Variants in SPDYA observed in about 807,000 individuals in gnomAD.
SPDYA encodes speedy/RINGO cell cycle regulator family member A, also known as speedy protein A.
A neutral mutation model predicts 36.7 loss-of-function variants in SPDYA; 11 were observed. The observed-to-expected ratio is 0.30, with a 90% confidence interval of 0.19 to 0.50. SPDYA has a LOEUF of 0.50. Among genes scored for constraint, SPDYA ranks in the 20% least tolerant of loss-of-function variants. The probability of loss-of-function intolerance (pLI) is 0.98; values close to 1 mark genes in which losing one functional copy is unlikely to be tolerated. For missense variants in SPDYA, 287 were observed against 370.9 expected, an observed-to-expected ratio of 0.77 and a Z score of 1.86; for synonymous variants, 115 against 118.7, an observed-to-expected ratio of 0.97 and a Z score of 0.20.
chr2:28,832,459 T>TTCACTCTCAAGGC (rs1022461121), intron 6 of SPDYA, among the ~76,000 whole-genome samples: 1 of 152,152 alleles, frequency 6.6e-6, no homozygotes, highest in African/African-American at 2.4e-5. Context: ...GGTGACCCCA[T>TTCACTCTCAAGGC]TCACTCTCAA....
chr2:28,848,536 A>G (rs547764422), intron 7 of SPDYA, among the ~76,000 whole-genome samples: 2 of 152,354 alleles, frequency 1.3e-5, no homozygotes, highest in South Asian at 4.1e-4. Context: ...GGAATTTATA[A>G]CAGTTTTAGT....
chr2:28,827,144 G>A (rs895033251), intron 5 of SPDYA, among the ~76,000 whole-genome samples: 1 of 151,312 alleles, frequency 6.6e-6, no homozygotes, highest in African/African-American at 2.4e-5. Flanking sequence ...GTTTCACCGT[G>A]TTAGCCAGGA....
At chr2:28,826,444 T>G (rs1668321994) in intron 5 of SPDYA, among the ~76,000 whole-genome samples, 1 of 151,980 alleles carries the variant, frequency 6.6e-6, no homozygotes, top group Admixed American at 6.6e-5. Flanking sequence ...GCCTGAAGAT[T>G]GATGCCTTTC....
chr2:28,829,066 C>A, intron 5 of SPDYA, 82 bp from the exon 6 acceptor site: 4 of 1,248,924 alleles, frequency 3.2e-6, no homozygotes, highest in Non-Finnish European at 4.4e-6. Flanking sequence ...GTTTATAAAC[C>A]ACTTTTATGT....
chr2:28,816,832 T>G (rs1032039603), intron 3 of SPDYA, among the ~76,000 whole-genome samples: 1 of 151,660 alleles, frequency 6.6e-6, no homozygotes, highest in Non-Finnish European at 1.5e-5. Context: ...TTCTTTATAG[T>G]ACTGTACTCC....
At chr2:28,837,595 T>C (rs944202281) in intron 6 of SPDYA, among the ~76,000 whole-genome samples, 1 of 152,190 alleles carries the variant, frequency 6.6e-6, no homozygotes. Context: ...CCATGTATTA[T>C]TAACTCTCAC....
chr2:28,843,466 C>T (rs1668795908), intron 7 of SPDYA, among the ~76,000 whole-genome samples: 1 of 150,702 alleles, frequency 6.6e-6, no homozygotes, highest in Admixed American at 6.7e-5. Context: ...AGGAGAATCG[C>T]TTGAACCTGG....
intron 4 of SPDYA, among the ~76,000 whole-genome samples, chr2:28,821,807 T>G (rs1668176658): frequency 1.3e-5 from 2 of 152,218 alleles, no homozygotes; most frequent in African/African-American, 4.8e-5. Context: ...TAAAACACAT[T>G]CTCCCCATGA....
intron 5 of SPDYA, among the ~76,000 whole-genome samples, chr2:28,827,096 G>A (rs1016810448): frequency 1.3e-5 from 2 of 151,534 alleles, no homozygotes; most frequent in Admixed American, 6.6e-5. Context: ...CCGCCACCAC[G>A]CCTGGCTAAT....
intron 7 of SPDYA, among the ~76,000 whole-genome samples, chr2:28,846,914 G>A (rs907122170): frequency 1.3e-5 from 2 of 152,174 alleles, no homozygotes; most frequent in Non-Finnish European, 2.9e-5. Context: ...TGGCTCTTAA[G>A]CCAGCCCCTT....
chr2:28,814,506 CTG>C (rs1042475351), intron 1 of SPDYA, 105 bp from the exon 2 acceptor site: 15 of 152,170 alleles, frequency 9.9e-5, no homozygotes, highest in Admixed American at 2.0e-4. Flanking sequence ...GTAATTTTAT[CTG>C]TTTTGTTTTG....
chr2:28,846,760 C>CACAAAGGGAAGTGAGGGGAAATGA (rs1234428658), intron 7 of SPDYA, among the ~76,000 whole-genome samples: 1 of 150,770 alleles, frequency 6.6e-6, no homozygotes, highest in Non-Finnish European at 1.5e-5. Context: ...CACACACACA[C>CACAAAGGGAAGTGAGGGGAAATGA]ACACACACAC....
intron 3 of SPDYA, among the ~76,000 whole-genome samples, chr2:28,818,551 C>T (rs1342012240): frequency 2.0e-5 from 3 of 151,626 alleles, no homozygotes; most frequent in Non-Finnish European, 4.4e-5. Context: ...TATATTTTAG[C>T]CCTTTAGAAT....
At chr2:28,829,817 G>A (rs1162844710) in intron 6 of SPDYA, among the ~76,000 whole-genome samples, 2 of 151,838 alleles carry the variant, frequency 1.3e-5, no homozygotes, top group Admixed American at 6.6e-5. Context: ...GGTGGCAGGC[G>A]CCTGTAGTCC....
At chr2:28,814,105 C>T (rs1282479045) in intron 1 of SPDYA, among the ~76,000 whole-genome samples, 1 of 152,180 alleles carries the variant, frequency 6.6e-6, no homozygotes, top group Admixed American at 6.5e-5. Flanking sequence ...AAGTATATTC[C>T]TCTGCCTAGT....
At chr2:28,835,212 C>T (rs1255410996) in intron 6 of SPDYA, among the ~76,000 whole-genome samples, 1 of 151,524 alleles carries the variant, frequency 6.6e-6, no homozygotes. Flanking sequence ...CAGATGTGAG[C>T]CATAGTGCCT....
At chr2:28,819,410 GGGAGGATCACTTGAACCCAGAAGTT>G (rs1227106154) in intron 4 of SPDYA, among the ~76,000 whole-genome samples, 4 of 152,006 alleles carry the variant, frequency 2.6e-5, no homozygotes. Context: ...CAGCTGAGGT[GGGAGGATCACTTGAACCCAGAAGTT>G]GGAGGATACA....
At chr2:28,825,883 A>G (rs1419954998) in intron 5 of SPDYA, among the ~76,000 whole-genome samples, 1 of 151,832 alleles carries the variant, frequency 6.6e-6, no homozygotes, top group Non-Finnish European at 1.5e-5. Context: ...GACCACAGGC[A>G]CATAGCACGA....
chr2:28,847,256 T>TTGC (rs1325192357), intron 7 of SPDYA, among the ~76,000 whole-genome samples: 10 of 152,020 alleles, frequency 6.6e-5, no homozygotes, highest in African/African-American at 2.4e-4. Context: ...GACAGGAGAA[T>TTGC]TGCTTGAACC....
Sources: gnomAD v4.1 joint callset for allele counts (sites outside exome capture counted in the v4.1 genomes callset) on GRCh38, gnomAD v4.1.1 for gene constraint, MANE v1.5 for transcripts, NCBI Gene and HGNC (gene_info 2026-07-23, HGNC 2026-07-21) for gene names.